UGT1A6: variants seen among roughly 807,000 people sequenced by gnomAD.
UGT1A6 encodes the protein UDP-glucuronosyltransferase 1A6.
A neutral mutation model predicts 44.4 loss-of-function variants in UGT1A6; 32 were observed. The observed-to-expected ratio is 0.72, with a 90% CI of 0.54 to 0.97. The LOEUF is 0.97. UGT1A6 is among the 50% of genes least tolerant of loss of function. The probability of loss-of-function intolerance (pLI) is 0.00; values close to 1 mark genes in which losing one functional copy is unlikely to be tolerated. For synonymous variants in UGT1A6, 238 were observed against 248.5 expected (o/e 0.96, Z 0.40); for missense variants, 685 against 661.9 (o/e 1.03, Z -0.38).
At chr2:233,719,835 G>C (rs2076806850) in intron 1 of UGT1A6, 18 of 1,540,274 alleles carry the variant, frequency 1.2e-5, no homozygotes, top group Non-Finnish European at 1.6e-5. Context: ...GAGGGGCCTA[G>C]TGTATTTCAA....
At chr2:233,723,213 CTTTT>C (rs201420005) in intron 1 of UGT1A6, among the ~76,000 whole-genome samples, 3 of 88,884 alleles carry the variant, frequency 3.4e-5, no homozygotes, top group African/African-American at 5.6e-5. Context: ...TCAAAACTGA[CTTTT>C]TTTTTTTTTT....
In UGT1A6 at chr2:233,731,687, A is replaced by G. The variant is rs552192672; in HGVS notation, c.862-35347A>G. Among the ~76,000 whole-genome samples, 734 of 152,308 alleles carry G rather than the reference A, an allele frequency of 4.8e-3. 10 individuals carry two copies. Among genetic ancestry groups the G allele is most frequent in the African/African-American group, 0.017 (699 of 41,550 alleles). On this transcript the variant is annotated intron_variant, in intron 1 of 4. Coordinates refer to ENST00000305139, the MANE Select transcript of UGT1A6 (RefSeq NM_001072.4). ...ATTTTCTTAATCCAGTCTATCATTG[A>G]TGGACATTTGGATTGGTTCCAGGTC...
intron 1 of UGT1A6, among the ~76,000 whole-genome samples, chr2:233,761,874 G>A (rs569608885): frequency 2.0e-5 from 3 of 152,320 alleles, no homozygotes; most frequent in East Asian, 1.9e-4. Context: ...TTCAGAGAGC[G>A]TTCATTCACT....
At chr2:233,771,698 A>G (rs892218397) in intron 4 of UGT1A6, 1 of 152,738 alleles carries the variant, frequency 6.5e-6, no homozygotes, top group Non-Finnish European at 1.5e-5. Flanking sequence ...GAAGAAGAGT[A>G]GGAAGCAAGG....
chr2:233,695,471 A>G (rs1297433816), intron 1 of UGT1A6, among the ~76,000 whole-genome samples: 1 of 151,084 alleles, frequency 6.6e-6, no homozygotes, highest in Non-Finnish European at 1.5e-5. Flanking sequence ...TTGGCCCTTT[A>G]GATGTTTTTC....
Position 233,701,581 on chromosome 2 carries a change from C to A in UGT1A6, c.861+7716C>A, listed in dbSNP as rs545182540. 1.6e-3 allele frequency among the ~76,000 whole-genome samples: 239 copies of A among 152,228 alleles called. 2 individuals carry two copies. The highest frequency in any genetic ancestry group is 5.4e-3 in the African/African-American group (224 of 41,532). ...ACACCACACCTACTCCAAAATTGACCACATAGTTGGAAGTAAAGCACTCCT... is the reference window on the plus strand; with the variant it reads ...ACACCACACCTACTCCAAAATTGACAACATAGTTGGAAGTAAAGCACTCCT... On this transcript the variant is annotated intron_variant, in intron 1 of 4. Transcript: ENST00000305139.
chr2:233,702,602 A>G (rs2075695766), intron 1 of UGT1A6, among the ~76,000 whole-genome samples: 1 of 152,128 alleles, frequency 6.6e-6, no homozygotes, highest in Non-Finnish European at 1.5e-5. Flanking sequence ...TTTTTTGAGT[A>G]GATGCCCCCC....
At chr2:233,729,011 T>C (rs1409694285) in intron 1 of UGT1A6, 2 of 1,584,574 alleles carry the variant, frequency 1.3e-6, no homozygotes, top group African/African-American at 1.3e-5. Context: ...CACTCTGTCT[T>C]CCAATTACAC....
Position 233,769,517 on chromosome 2 carries a change from G to C in UGT1A6, c.1301+1078G>C. The C allele has an allele frequency of 6.2e-7, 1 of 1,612,844 alleles. No individual in the cohort carries two copies. The highest frequency in any genetic ancestry group is 8.5e-7 in the Non-Finnish European group (1 of 1,179,874). On this transcript the variant is annotated intron_variant, in intron 4 of 4. Coordinates refer to ENST00000305139, the MANE Select transcript of UGT1A6 (RefSeq NM_001072.4). This position sits in a 1 kb window ranked among gnomAD's most constrained non-coding sequence, Gnocchi z 4.4. ...AGAGTGTCCATTGCTTTCTCCCATG[G>C]TTACCTCCTTTAGAAAGAAGCAGCA...
At chr2:233,747,691 T>C in intron 1 of UGT1A6, 3 of 1,611,090 alleles carry the variant, frequency 1.9e-6, no homozygotes, top group Non-Finnish European at 2.5e-6. Flanking sequence ...TGTGGGGCAG[T>C]GCTGGCTAAG....
chr2:233,707,630 ATCCC>A (rs2075978386), intron 1 of UGT1A6, among the ~76,000 whole-genome samples: 1 of 151,038 alleles, frequency 6.6e-6, no homozygotes, highest in Non-Finnish European at 1.5e-5. Flanking sequence ...TACTGAATAT[ATCCC>A]ATTGTATGAA....
At chr2:233,760,902 C>T (rs1400244302) in intron 1 of UGT1A6, 7 of 1,613,974 alleles carry the variant, frequency 4.3e-6, no homozygotes, top group Non-Finnish European at 5.9e-6. Context: ...ATCACATGAC[C>T]TTCCTGCAGC....
intron 1 of UGT1A6, among the ~76,000 whole-genome samples, chr2:233,763,416 A>T (rs1484402572): frequency 6.6e-6 from 1 of 152,224 alleles, no homozygotes; most frequent in Non-Finnish European, 1.5e-5. Flanking sequence ...TTTTTAATCC[A>T]GTCAGGCAGT....
At chr2:233,760,338 G>C (rs753493472) in intron 1 of UGT1A6, 4 of 1,614,036 alleles carry the variant, frequency 2.5e-6, no homozygotes, top group Admixed American at 1.7e-5. Context: ...GCCTGCTGCT[G>C]TGTGTGCTGG....
chr2:233,719,509 C>T (rs372293131), intron 1 of UGT1A6: 20 of 1,613,850 alleles, frequency 1.2e-5, no homozygotes, highest in Non-Finnish European at 1.7e-5. Context: ...TTTTCTGCCC[C>T]TTATGCAAGT....
At chr2:233,765,305 A>G (rs777427074) in intron 1 of UGT1A6, among the ~76,000 whole-genome samples, 9 of 152,220 alleles carry the variant, frequency 5.9e-5, no homozygotes, top group Admixed American at 1.3e-4. Flanking sequence ...ACACATGCAC[A>G]TATTTGTTTA....
At chr2:233,753,341 CCTG>C (rs138147580) in intron 1 of UGT1A6, 5,646 of 152,328 alleles carry the variant, frequency 0.037, 136 homozygotes, top group Non-Finnish European at 0.057. Context: ...CTGCCATTTT[CCTG>C]CTGTTTATTA....
chr2:233,733,519 G>C (rs951555502), intron 1 of UGT1A6, among the ~76,000 whole-genome samples: 3 of 152,168 alleles, frequency 2.0e-5, no homozygotes, highest in Non-Finnish European at 2.9e-5. Context: ...AGGCATGAAG[G>C]GATGTTTAAT....
At chr2:233,742,996 A>G in intron 1 of UGT1A6, 1 of 237,696 alleles carries the variant, frequency 4.2e-6, no homozygotes, top group South Asian at 5.8e-5. Context: ...AGCAAATTGC[A>G]TACAGATATT....
Sources: allele counts gnomAD v4.1 joint callset (sites outside exome capture counted in the v4.1 genomes callset), GRCh38; gene constraint gnomAD v4.1.1; non-coding constraint Gnocchi (gnomAD v3.1); transcripts MANE v1.5; gene names NCBI Gene and HGNC (gene_info 2026-07-23, HGNC 2026-07-21).